Variants in TOP1 observed in about 807,000 individuals in gnomAD.
The protein encoded by TOP1 is DNA topoisomerase I.
A neutral mutation model predicts 111.1 loss-of-function variants in TOP1; 10 were observed. The ratio of observed to expected loss-of-function variants is 0.09; its 90% CI spans 0.06 to 0.15. The LOEUF is 0.15. TOP1 is among the 10% of genes least tolerant of loss of function. The pLI is 1.00. For synonymous variants in TOP1, 271 were observed against 302.9 expected, an observed-to-expected ratio of 0.89 and a Z score of 1.10; for missense variants, 474 against 926.7, an observed-to-expected ratio of 0.51 and a Z score of 6.34.
Position 41,092,447 on chromosome 20 carries a change from T to G in TOP1, c.615-25T>G. The G allele has an allele frequency of 2.5e-6, 3 of 1,217,290 alleles. No individual in the cohort carries two copies. Among genetic ancestry groups the G allele is most frequent in the Non-Finnish European group, 2.3e-6 (2 of 855,306 alleles). 75.4% of individuals were successfully genotyped at this position (1,217,290 alleles called of 1,614,324 possible). A position where few individuals can be genotyped will look rare whatever the true frequency, so the allele number is the denominator to read the frequency against. On this transcript the variant is annotated intron_variant, in intron 8 of 20. Coordinates refer to ENST00000361337, the MANE Select transcript of TOP1 (RefSeq NM_003286.4). This position sits in a 1 kb window ranked among gnomAD's most constrained non-coding sequence, Gnocchi z 4.3. ...CATGTTAGACAAGGCGATCACTAAATGAGGCTGTGCTTTGTCTTTTAAAGG... is the reference window on the plus strand; with the variant it reads ...CATGTTAGACAAGGCGATCACTAAAGGAGGCTGTGCTTTGTCTTTTAAAGG...
rs546128356 is a variant in TOP1 at position 41,101,507 on chromosome 20, T to C, written c.1308+154T>C. Reference sequence around the variant, plus strand: ...ACTTTCATAGTTAGCATTATGGTGATCTTCCTACAGTGCCTCCATTTTTTT... The same window carrying C: ...ACTTTCATAGTTAGCATTATGGTGACCTTCCTACAGTGCCTCCATTTTTTT... On this transcript the variant is annotated intron_variant, in intron 13 of 20. Transcript: ENST00000361337. The surrounding 1 kb of genome is among the most constrained non-coding windows in gnomAD (Gnocchi z 4.1). 6.6e-6 allele frequency among the ~76,000 whole-genome samples: 1 copy of C among 152,382 alleles called. No individual in the cohort carries two copies. The highest frequency in any genetic ancestry group is 2.4e-5 in the African/African-American group (1 of 41,598).
chr20:41,117,444 G>A (rs909827382), intron 17 of TOP1, among the ~76,000 whole-genome samples: 3 of 130,210 alleles, frequency 2.3e-5, no homozygotes, highest in Non-Finnish European at 4.6e-5. Flanking sequence ...GGAGTGCAGT[G>A]GCGCGATCTC....
Position 41,097,950 on chromosome 20 carries a change from C to T in TOP1, c.853-265C>T, listed in dbSNP as rs2034005148. 6.6e-6 allele frequency among the ~76,000 whole-genome samples: 1 copy of T among 152,092 alleles called. No homozygotes were observed. The highest frequency in any genetic ancestry group is 1.5e-5 in the Non-Finnish European group (1 of 68,030). ...TTCATAATGCCTGGGGGCTGTGTGCCACGGAGTCTAAGAAACCACATAAGA... is the reference window on the plus strand; with the variant it reads ...TTCATAATGCCTGGGGGCTGTGTGCTACGGAGTCTAAGAAACCACATAAGA... On this transcript the variant is annotated intron_variant, in intron 10 of 20. Transcript: ENST00000361337. This position sits in a 1 kb window ranked among gnomAD's most constrained non-coding sequence, Gnocchi z 4.2.
At chr20:41,117,544 G>T (rs1025703769) in intron 17 of TOP1, among the ~76,000 whole-genome samples, 3 of 151,274 alleles carry the variant, frequency 2.0e-5, no homozygotes, top group Admixed American at 2.0e-4. Flanking sequence ...CCGCCATGTC[G>T]CCCGGCTAAT....
rs1230819659 is a variant in TOP1, at chr20:41,118,283, A to G, written c.1937A>G (p.Asn646Ser). ...PPKTFEKSMM[N>S]LQTKIDAKKE... ...AAAACTTTTGAGAAGTCTATGATGA[A>G]CTTGCAAACTAAGGTATCTTGGATA... Residue 646 changes from asparagine (N) to serine (S), a missense_variant, in exon 18 of 21, where the codon AAC becomes AGC. Physicochemically the swap from Asn to Ser is conservative, Grantham distance 46. Coordinates refer to ENST00000361337, the MANE Select transcript of TOP1 (RefSeq NM_003286.4). This position sits in a 1 kb window ranked among gnomAD's most constrained non-coding sequence, Gnocchi z 4.6. The G allele has an allele frequency of 1.2e-6, 2 of 1,613,988 alleles. No individual in the cohort carries two copies.
chr20:41,115,526 G>A lies in TOP1; in HGVS notation c.1707+87G>A. ...GGGGAGGGTTGCTGGCAGATGACTT[G>A]GGCTCTCCCTTTAGCCTGGCCTGCT... is the stretch of plus-strand genomic sequence containing the variant. On this transcript the variant is annotated intron_variant, in intron 16 of 20. Coordinates refer to ENST00000361337, the MANE Select transcript of TOP1 (RefSeq NM_003286.4). This position sits in a 1 kb window ranked among gnomAD's most constrained non-coding sequence, Gnocchi z 6.3. 9.8e-7 allele frequency: 1 copy of A among 1,015,234 alleles called. No homozygotes were observed. Among genetic ancestry groups the A allele is most frequent in the Non-Finnish European group, 1.6e-6 (1 of 643,910 alleles). 62.9% of individuals were successfully genotyped at this position (1,015,234 alleles called of 1,614,324 possible). A position where few individuals can be genotyped will look rare whatever the true frequency, so the allele number is the denominator to read the frequency against.
chr20:41,031,441 C>A (rs2033118567), intron 2 of TOP1, among the ~76,000 whole-genome samples: 1 of 152,182 alleles, frequency 6.6e-6, no homozygotes, highest in Admixed American at 6.5e-5. Context: ...ACCTAAGTCA[C>A]GTGAATGATT....
intron 3 of TOP1, among the ~76,000 whole-genome samples, chr20:41,074,870 A>G (rs1256884109): frequency 1.3e-5 from 2 of 152,240 alleles, no homozygotes; most frequent in African/African-American, 4.8e-5. Flanking sequence ...GAAAAATAAT[A>G]GTGTTCTCTC....
At chr20:41,093,793 C>A (rs1268440989) in intron 9 of TOP1, among the ~76,000 whole-genome samples, 1 of 152,192 alleles carries the variant, frequency 6.6e-6, no homozygotes, top group Non-Finnish European at 1.5e-5. Context: ...GCCTTAGGTC[C>A]ACCAATGCTT....
At chr20:41,042,766 C>T (rs1046843471) in intron 2 of TOP1, among the ~76,000 whole-genome samples, 1 of 152,108 alleles carries the variant, frequency 6.6e-6, no homozygotes, top group Admixed American at 6.6e-5. Flanking sequence ...AGAAGCCTTA[C>T]TGATAACAGA....
rs916191941 is a variant in TOP1 at position 41,121,893 on chromosome 20, C to G, written c.2045+103C>G. 19 of 1,559,516 alleles carry G rather than the reference C, an allele frequency of 1.2e-5. No individual in the cohort carries two copies. Among genetic ancestry groups the G allele is most frequent in the Non-Finnish European group, 1.7e-5 (19 of 1,142,772 alleles). On this transcript the variant is annotated intron_variant, in intron 19 of 20. Coordinates refer to ENST00000361337, the MANE Select transcript of TOP1 (RefSeq NM_003286.4). The surrounding 1 kb of genome is among the most constrained non-coding windows in gnomAD (Gnocchi z 4.2). Reference sequence around the variant, plus strand: ...CTTTTCGATGGTTTCTGAGAAATGTCTTTTGGAAATCTCTATACTAGGGCT... The same window carrying G: ...CTTTTCGATGGTTTCTGAGAAATGTGTTTTGGAAATCTCTATACTAGGGCT...
chr20:41,049,648 G>A (rs763272694), intron 2 of TOP1, among the ~76,000 whole-genome samples: 2 of 152,152 alleles, frequency 1.3e-5, no homozygotes, highest in South Asian at 2.1e-4. Context: ...TTGGGATGGC[G>A]CGGTCAGGTG....
chr20:41,077,654 G>T lies in TOP1; in HGVS notation c.335+17G>T, dbSNP rs1227963806. On this transcript the variant is annotated intron_variant, in intron 5 of 20. Transcript: ENST00000361337. ...CTTCTCTAGGTAAGACTTTGCTGCTGCGTGGGCTTCCCTTTCTCTGGGTGG... is the reference window on the plus strand; with the variant it reads ...CTTCTCTAGGTAAGACTTTGCTGCTTCGTGGGCTTCCCTTTCTCTGGGTGG... 2.5e-6 allele frequency: 4 copies of T among 1,613,134 alleles called. No individual in the cohort carries two copies. In the Admixed American group the frequency reaches 5.0e-5, roughly 20 times the overall value.
rs778608432 is a variant in TOP1, at chr20:41,061,862, A to G, written c.155+372A>G. Reference sequence around the variant, plus strand: ...ACCTGATTTTTTTTCTTCTTTCTATATTTTAAAGAGTTTACATTAAAAATT... The same window carrying G: ...ACCTGATTTTTTTTCTTCTTTCTATGTTTTAAAGAGTTTACATTAAAAATT... On this transcript the variant is annotated intron_variant, in intron 3 of 20. Coordinates refer to ENST00000361337, the MANE Select transcript of TOP1 (RefSeq NM_003286.4). The surrounding 1 kb of genome is among the most constrained non-coding windows in gnomAD (Gnocchi z 4.6). Among the ~76,000 whole-genome samples, 1 of 152,090 alleles carries G rather than the reference A, an allele frequency of 6.6e-6. No homozygotes were observed. Among genetic ancestry groups the G allele is most frequent in the Non-Finnish European group, 1.5e-5 (1 of 68,006 alleles).
intron 2 of TOP1, among the ~76,000 whole-genome samples, chr20:41,048,637 C>G (rs983602275): frequency 6.6e-6 from 1 of 152,150 alleles, no homozygotes; most frequent in Non-Finnish European, 1.5e-5. Flanking sequence ...TTAAATCTGT[C>G]ACTTAGTTTT....
chr20:41,029,778 T>A lies in TOP1; in HGVS notation c.58+323T>A. The stretch of plus-strand genomic sequence containing the variant: ...GTCGGGACTTAGTCTCTGCGCCATT[T>A]TCTTTTTCTCTCTCCTCTCCTTTCT... On this transcript the variant is annotated intron_variant, in intron 2 of 20. Transcript: ENST00000361337. The surrounding 1 kb of genome is among the most constrained non-coding windows in gnomAD (Gnocchi z 6.1). The A allele has an allele frequency of 2.3e-6, 1 of 440,570 alleles. No homozygotes were observed. Among genetic ancestry groups the A allele is most frequent in the Non-Finnish European group, 4.1e-6 (1 of 242,014 alleles). 27.3% of individuals were successfully genotyped at this position (440,570 alleles called of 1,614,324 possible). A position where few individuals can be genotyped will look rare whatever the true frequency, so the allele number is the denominator to read the frequency against.
chr20:41,029,244 G>A lies in TOP1; in HGVS notation c.33+144G>A. 1.3e-6 allele frequency: 1 copy of A among 791,070 alleles called. No individual in the cohort carries two copies. Among genetic ancestry groups the A allele is most frequent in the Non-Finnish European group, 1.8e-6 (1 of 554,238 alleles). The allele number at this position is 791,070 out of a possible 1,614,324, so 49.0% of individuals were successfully genotyped here. A position where few individuals can be genotyped will look rare whatever the true frequency, so the allele number is the denominator to read the frequency against. ...AGGGGCCGCCTGCCGGAGTAGATCGGCTCGCTAGGCCGCGAGCGAGGGCCG... is the reference window on the plus strand; with the variant it reads ...AGGGGCCGCCTGCCGGAGTAGATCGACTCGCTAGGCCGCGAGCGAGGGCCG... On this transcript the variant is annotated intron_variant, in intron 1 of 20. Coordinates refer to ENST00000361337, the MANE Select transcript of TOP1 (RefSeq NM_003286.4). The surrounding 1 kb of genome is among the most constrained non-coding windows in gnomAD (Gnocchi z 6.1).
At position 41,034,714 on chromosome 20, in the gene TOP1, G is replaced by C. The variant is rs1415725337; in HGVS notation, c.58+5259G>C. The stretch of plus-strand genomic sequence containing the variant: ...CACTGGGAGAGAAGTGATGTTACTG[G>C]TATCTCATGCATATCTCTGGAGTAT... On this transcript the variant is annotated intron_variant, in intron 2 of 20. Transcript: ENST00000361337. This position sits in a 1 kb window ranked among gnomAD's most constrained non-coding sequence, Gnocchi z 4.0. 2.0e-5 allele frequency among the ~76,000 whole-genome samples: 3 copies of C among 152,116 alleles called. No individual in the cohort carries two copies. Among genetic ancestry groups the C allele is most frequent in the Non-Finnish European group, 4.4e-5 (3 of 68,022 alleles).
At position 41,114,333 on chromosome 20, in the gene TOP1, G is replaced by A. The variant is rs371160476; in HGVS notation, c.1638+178G>A. Among the ~76,000 whole-genome samples, 67 of 152,364 alleles carry A rather than the reference G, an allele frequency of 4.4e-4. No individual in the cohort carries two copies. In the East Asian group the frequency reaches 8.5e-3, roughly 19 times the overall value. On this transcript the variant is annotated intron_variant, in intron 15 of 20. Transcript: ENST00000361337. This position sits in a 1 kb window ranked among gnomAD's most constrained non-coding sequence, Gnocchi z 4.5. Reference sequence around the variant, plus strand: ...GAAGGCTGAGACAGGAGGATCACTGGAGACCAAAAGTTTGAGGCTGTAGTG... The same window carrying A: ...GAAGGCTGAGACAGGAGGATCACTGAAGACCAAAAGTTTGAGGCTGTAGTG...
Sources: gnomAD v4.1 joint callset for allele counts (sites outside exome capture counted in the v4.1 genomes callset) on GRCh38, gnomAD v4.1.1 for gene constraint, Gnocchi (gnomAD v3.1) non-coding constraint, MANE v1.5 for transcripts, NCBI Gene and HGNC (gene_info 2026-07-23, HGNC 2026-07-21) for gene names.